MAP3K6: variants seen among roughly 807,000 people sequenced by gnomAD.
The protein encoded by MAP3K6 is apoptosis signal-regulating kinase 2.
Under a neutral mutation model 147.1 loss-of-function variants are expected in MAP3K6, and 105 were observed. The observed-to-expected ratio is 0.71, with a 90% CI of 0.61 to 0.84. The LOEUF (loss-of-function observed/expected upper bound fraction) is 0.84, where lower values mean the gene tolerates loss of function less well. Ranked by LOEUF, MAP3K6 falls within the 40% of genes least tolerant of loss-of-function variation. The pLI, the probability that MAP3K6 is intolerant of heterozygous loss-of-function variation, is 0.00. For synonymous variants in MAP3K6, 695 were observed against 732.4 expected (o/e 0.95, Z 0.82); for missense variants, 1,569 against 1,715.0 (o/e 0.91, Z 1.50).
At position 27,361,411 on chromosome 1, in the gene MAP3K6, G is replaced by A; in HGVS notation, c.1687-16C>T. On this transcript the variant is annotated splice_polypyrimidine_tract_variant and intron_variant, in intron 11 of 28. Coordinates refer to ENST00000357582, the MANE Select transcript of MAP3K6 (RefSeq NM_004672.5). Reference sequence around the variant, plus strand: ...AGGGAATGTCCTGCAAGAAGAAATGGGGTGTGATGGGGAGTGCTGGTGACA... The same window carrying A: ...AGGGAATGTCCTGCAAGAAGAAATGAGGTGTGATGGGGAGTGCTGGTGACA... 1 of 1,613,406 alleles carries A rather than the reference G, an allele frequency of 6.2e-7. No individual in the cohort carries two copies. Among genetic ancestry groups the A allele is most frequent in the South Asian group, 1.1e-5 (1 of 90,996 alleles).
Position 27,366,602 on chromosome 1 carries a change from G to A in MAP3K6, c.-5C>T. 6 of 1,077,648 alleles carry A rather than the reference G, an allele frequency of 5.6e-6. No homozygotes were observed. Among genetic ancestry groups the A allele is most frequent in the African/African-American group, 1.7e-5 (1 of 59,550 alleles). 66.8% of individuals were successfully genotyped at this position (1,077,648 alleles called of 1,614,324 possible). On this transcript the variant is annotated 5_prime_UTR_variant, in exon 1 of 29. Coordinates refer to ENST00000357582, the MANE Select transcript of MAP3K6 (RefSeq NM_004672.5). The surrounding 1 kb of genome is among the most constrained non-coding windows in gnomAD (Gnocchi z 5.5). The stretch of plus-strand genomic sequence containing the variant: ...CCGGGGACACGGCCCCGCCATGCGG[G>A]GGCGCTCAGGCGCGGGGCGCCGCGC...
intron 27 of MAP3K6, 61 bp downstream of exon 27, chr1:27,355,965 T>C (rs1213844300): frequency 5.9e-5 from 87 of 1,485,590 alleles, no homozygotes; most frequent in Non-Finnish European, 7.4e-5. Flanking sequence ...AGCAGGAAGA[T>C]GGACAGAGAT....
rs1308148667 is a variant in MAP3K6 at position 27,358,340 on chromosome 1, T to G, written c.2777-21A>C. ...GGCATCTGAGGGAGGGACAGAGCCA[T>G]CAGCTGGGCTCTCCTCCACCCTCAC... On this transcript the variant is annotated intron_variant, in intron 20 of 28. Coordinates refer to ENST00000357582, the MANE Select transcript of MAP3K6 (RefSeq NM_004672.5). The surrounding 1 kb of genome is among the most constrained non-coding windows in gnomAD (Gnocchi z 6.2). 1 of 1,598,034 alleles carries G rather than the reference T, an allele frequency of 6.3e-7. No individual in the cohort carries two copies. The highest frequency in any genetic ancestry group is 1.9e-5 in the Admixed American group (1 of 53,660).
In MAP3K6 at chr1:27,362,643, A is replaced by G; in HGVS notation, c.1253T>C (p.Ile418Thr). 7 of 1,580,168 alleles carry G rather than the reference A, an allele frequency of 4.4e-6. No homozygotes were observed. The highest frequency in any genetic ancestry group is 6.0e-6 in the Non-Finnish European group (7 of 1,161,204). ...HFEDSKELRL[I>T]GMKLGCLLAR... The stretch of plus-strand genomic sequence containing the variant: ...CAAGAGCCAGGATCTGTGCTCACCT[A>G]TTAGCCGGAGCTCTTTGGAATCCTC... The change falls in exon 8 of 29, where the codon ATA becomes ACA. Residue 418 changes from isoleucine to threonine, a missense_variant and splice_region_variant. Transcript: ENST00000357582.
At chr1:27,362,351 T>A in intron 8 of MAP3K6, 101 bp from the exon 9 acceptor site, 1 of 1,232,672 alleles carries the variant, frequency 8.1e-7, no homozygotes, top group Non-Finnish European at 1.1e-6. Context: ...TAGATATGAG[T>A]ATGGCATTGA....
rs151292064 is a variant in MAP3K6, at chr1:27,357,515, T to C, written c.3143A>G (p.His1048Arg). The C allele has an allele frequency of 1.2e-4, 187 of 1,613,208 alleles. No homozygotes were observed. In the African/African-American group the frequency reaches 1.8e-3, roughly 15 times the overall value. Reference protein sequence around the residue: ...ELLRCLGAHIHTPNRRQLAQE... With the variant: ...ELLRCLGAHIRTPNRRQLAQE... ...GGCGAGCTGCCGGCGGTTGGGAGTG[T>C]GGATGTGTGCCCCGAGGCAGCGCAG... The change falls in exon 23 of 29, where the codon CAC becomes CGC. Residue 1048 changes from histidine (H) to arginine (R), a missense_variant. Physicochemically the swap from His to Arg is conservative, Grantham distance 29 (BLOSUM62 0). Coordinates refer to ENST00000357582, the MANE Select transcript of MAP3K6 (RefSeq NM_004672.5).
chr1:27,357,107 T>A lies in MAP3K6; in HGVS notation c.3266A>T (p.Gln1089Leu). 6.2e-7 allele frequency: 1 copy of A among 1,613,508 alleles called. No homozygotes were observed. Among genetic ancestry groups the A allele is most frequent in the Non-Finnish European group, 8.5e-7 (1 of 1,179,580 alleles). ...ACGGATCTGGCGCTTGCGGAGGATC[T>A]GCTTCACCTGCAGGGGGAGGGAGGC... ...PLFAFPDAVK[Q>L]ILRKRQIRPH... Residue 1089 changes from glutamine (Q) to leucine (L), a missense_variant, in exon 24 of 29, where the codon CAG becomes CTG. Physicochemically the swap from Gln to Leu is moderately radical, Grantham distance 113. Transcript: ENST00000357582.
Position 27,364,795 on chromosome 1 carries a change from A to T in MAP3K6, c.458T>A (p.Leu153His). The T allele has an allele frequency of 6.2e-7, 1 of 1,613,712 alleles. No homozygotes were observed. Reference protein sequence around the residue: ...NNVLLCSQADLPDLQALREDV... With the variant: ...NNVLLCSQADHPDLQALREDV... ...TACCCGCAGGGCCTGCAGGTCAGGG[A>T]GGTCGGCCTGGGAGCAGAGGAGCAC... is the stretch of plus-strand genomic sequence containing the variant. The change falls in exon 2 of 29, where the codon CTC (leucine) becomes CAC (histidine). Residue 153 changes from leucine (L) to histidine (H), a missense_variant. By Grantham distance (99) the Leu-to-His change is moderately conservative (BLOSUM62 -3). Coordinates refer to ENST00000357582, the MANE Select transcript of MAP3K6 (RefSeq NM_004672.5). This position sits in a 1 kb window ranked among gnomAD's most constrained non-coding sequence, Gnocchi z 4.4.
rs1272158247 is a variant in MAP3K6, at chr1:27,361,818, G to A, written c.1465C>T (p.Pro489Ser). 6.3e-7 allele frequency: 1 copy of A among 1,599,798 alleles called. No individual in the cohort carries two copies. The highest frequency in any genetic ancestry group is 1.3e-5 in the African/African-American group (1 of 74,702). Residue 489 changes from proline to serine, a missense_variant, in exon 10 of 29, where the codon CCC becomes TCC. Transcript: ENST00000357582. The part of the protein sequence containing the change: ...ETFLLYQHFR[P>S]TPEPPGGPPR... ...GGCCCTCCAGGGGGCTCTGGCGTGGGCCTGAAGTGCTGGTAGAGCAGGAAG... is the reference window on the plus strand; with the variant it reads ...GGCCCTCCAGGGGGCTCTGGCGTGGACCTGAAGTGCTGGTAGAGCAGGAAG...
In MAP3K6 at chr1:27,360,780, C is replaced by G; in HGVS notation, c.1979G>C (p.Gly660Ala). ...GCGATCGCGGCCCGCGTACACCACC[C>G]CATACGTGCCCTTGCCCAGCACCAG... ...ERLVLGKGTY[G>A]VVYAGRDRHT... The change falls in exon 15 of 29, where the codon GGG becomes GCG. Residue 660 changes from glycine (G) to alanine (A), a missense_variant. Transcript: ENST00000357582. This position sits in a 1 kb window ranked among gnomAD's most constrained non-coding sequence, Gnocchi z 4.5. 1 of 1,612,754 alleles carries G rather than the reference C, an allele frequency of 6.2e-7. No homozygotes were observed. Among genetic ancestry groups the G allele is most frequent in the Non-Finnish European group, 8.5e-7 (1 of 1,179,874 alleles).
In MAP3K6 at chr1:27,361,213, T is replaced by C. The variant is rs753322134; in HGVS notation, c.1776A>G (p.Ala592=). ...GCTGGACGTCCTGAGCCGGGGGGAG[T>C]GCATAGAGGAAGCAGCAGCGCTCGT... ...KRDERCCFLY[A]LPPAQDVQLC... The change falls in exon 13 of 29, where the codon GCA becomes GCG. Residue 592 remains alanine (A), a synonymous_variant. Transcript: ENST00000357582. 6.8e-6 allele frequency: 11 copies of C among 1,611,934 alleles called. No individual in the cohort carries two copies. The highest frequency in any genetic ancestry group is 2.2e-5 in the South Asian group (2 of 90,838).
rs759932222 is a variant in MAP3K6, at chr1:27,360,697, C to A, written c.2054+8G>T. 6.2e-7 allele frequency: 1 copy of A among 1,609,548 alleles called. No individual in the cohort carries two copies. The highest frequency in any genetic ancestry group is 1.1e-5 in the South Asian group (1 of 90,818). On this transcript the variant is annotated splice_region_variant and intron_variant, in intron 15 of 28. Coordinates refer to ENST00000357582, the MANE Select transcript of MAP3K6 (RefSeq NM_004672.5). The surrounding 1 kb of genome is among the most constrained non-coding windows in gnomAD (Gnocchi z 4.5). ...CCTCAGCCCCACCCGCGCTGCCACGCACCGCACCTGCTGTCCCGCTCCGGG... is the reference window on the plus strand; with the variant it reads ...CCTCAGCCCCACCCGCGCTGCCACGAACCGCACCTGCTGTCCCGCTCCGGG...
Position 27,364,156 on chromosome 1 carries a change from C to A in MAP3K6, c.695+48G>T. On this transcript the variant is annotated intron_variant, in intron 4 of 28. Transcript: ENST00000357582. The surrounding 1 kb of genome is among the most constrained non-coding windows in gnomAD (Gnocchi z 4.4). ...TGTACCTCAGCCCCAGCCCACCATA[C>A]CCTCACCAGCCCCCTCCTGGAGCAC... 6.3e-7 allele frequency: 1 copy of A among 1,599,186 alleles called. No homozygotes were observed. The highest frequency in any genetic ancestry group is 8.5e-7 in the Non-Finnish European group (1 of 1,172,912).
At position 27,360,682 on chromosome 1, in the gene MAP3K6, A is replaced by G. The variant is rs536677922; in HGVS notation, c.2054+23T>C. The G allele has an allele frequency of 6.3e-7, 1 of 1,597,220 alleles. No homozygotes were observed. The highest frequency in any genetic ancestry group is 1.1e-5 in the South Asian group (1 of 90,178). Reference sequence around the variant, plus strand: ...TCGGCCCTCGCGAGCCCTCAGCCCCACCCGCGCTGCCACGCACCGCACCTG... The same window carrying G: ...TCGGCCCTCGCGAGCCCTCAGCCCCGCCCGCGCTGCCACGCACCGCACCTG... On this transcript the variant is annotated intron_variant, in intron 15 of 28. Transcript: ENST00000357582. The surrounding 1 kb of genome is among the most constrained non-coding windows in gnomAD (Gnocchi z 4.5).
intron 1 of MAP3K6, among the ~76,000 whole-genome samples, chr1:27,365,116 C>T (rs531498161): frequency 1.3e-5 from 2 of 152,288 alleles, no homozygotes; most frequent in East Asian, 1.9e-4. Context: ...GAGTTGGGCT[C>T]ACTGGGTTGG....
At chr1:27,355,521 A>C (rs755460439) in intron 28 of MAP3K6, 52 bp from the exon 29 acceptor site, 6 of 1,593,448 alleles carry the variant, frequency 3.8e-6, no homozygotes, top group Non-Finnish European at 5.2e-6. Context: ...CCTGGACTCT[A>C]TCTTGCACAC....
intron 6 of MAP3K6, 121 bp from the exon 7 acceptor site, chr1:27,363,142 T>A: frequency 1.1e-6 from 1 of 897,988 alleles, no homozygotes; most frequent in Non-Finnish European, 1.7e-6. Context: ...CTCAAAATGA[T>A]AATGACCCTG....
intron 13 of MAP3K6, 49 bp downstream of exon 13, chr1:27,361,108 C>A: frequency 1.9e-6 from 3 of 1,552,734 alleles, no homozygotes; most frequent in Non-Finnish European, 1.7e-6. Context: ...CCCACTCCCC[C>A]CCGGGCATCC....
Position 27,358,694 on chromosome 1 carries a change from C to T in MAP3K6, c.2583+15G>A. 3 of 1,613,584 alleles carry T rather than the reference C, an allele frequency of 1.9e-6. No individual in the cohort carries two copies. Among genetic ancestry groups the T allele is most frequent in the South Asian group, 1.1e-5 (1 of 91,084 alleles). On this transcript the variant is annotated intron_variant, in intron 19 of 28. Coordinates refer to ENST00000357582, the MANE Select transcript of MAP3K6 (RefSeq NM_004672.5). This position sits in a 1 kb window ranked among gnomAD's most constrained non-coding sequence, Gnocchi z 6.2. The stretch of plus-strand genomic sequence containing the variant: ...CCTATGCCACTTCCATGGGCCAGGC[C>T]CAAAGAGGTCTCACCTGAAACATGG...
Sources: gnomAD v4.1 joint callset for allele counts (sites outside exome capture counted in the v4.1 genomes callset) on GRCh38, gnomAD v4.1.1 for gene constraint, Gnocchi (gnomAD v3.1) non-coding constraint, MANE v1.5 for transcripts, NCBI Gene and HGNC (gene_info 2026-07-23, HGNC 2026-07-21) for gene names.